AKAP6: variants seen among roughly 807,000 people sequenced by gnomAD.
The protein encoded by AKAP6 is A-kinase anchoring protein 6.
In AKAP6, 58 loss-of-function variants were observed where a neutral mutation model predicts 188.5. The ratio of observed to expected loss-of-function variants is 0.31; its 90% CI spans 0.25 to 0.38. The LOEUF is 0.38. Among genes scored for constraint, AKAP6 ranks in the 10% least tolerant of loss-of-function variants. The pLI, the probability that AKAP6 is intolerant of heterozygous loss-of-function variation, is 1.00. For synonymous variants in AKAP6, 989 were observed against 998.6 expected (o/e 0.99, Z 0.18); for missense variants, 2,710 against 2,740.0 (o/e 0.99, Z 0.24).
chr14:32,729,617 A>G (rs1046380853), intron 9 of AKAP6, among the ~76,000 whole-genome samples: 13 of 152,112 alleles, frequency 8.5e-5, no homozygotes, highest in African/African-American at 2.7e-4. Context: ...TCACATATCT[A>G]TTAGGAGGCT....
chr14:32,640,452 C>T (rs1054881671), intron 7 of AKAP6, among the ~76,000 whole-genome samples: 6 of 152,082 alleles, frequency 3.9e-5, no homozygotes, highest in African/African-American at 1.4e-4. Flanking sequence ...CCATGATCTG[C>T]CAATTTTCTT....
chr14:32,764,879 C>T (rs2032659118), intron 11 of AKAP6, among the ~76,000 whole-genome samples: 1 of 151,230 alleles, frequency 6.6e-6, no homozygotes, highest in Non-Finnish European at 1.5e-5. Flanking sequence ...AATAGTGCTC[C>T]AGCAATTGAT....
At chr14:32,537,391 G>A (rs959118099) in intron 3 of AKAP6, among the ~76,000 whole-genome samples, 1 of 152,174 alleles carries the variant, frequency 6.6e-6, no homozygotes, top group Admixed American at 6.5e-5. Context: ...TGGGACTGTT[G>A]TGGTTATGGG....
chr14:32,602,334 A>T (rs1478397572), intron 7 of AKAP6, among the ~76,000 whole-genome samples: 1 of 152,110 alleles, frequency 6.6e-6, no homozygotes, highest in East Asian at 1.9e-4. Context: ...TATCTCTGCA[A>T]AAAGTGAAAG....
intron 7 of AKAP6, among the ~76,000 whole-genome samples, chr14:32,614,260 A>C (rs1886465688): frequency 6.6e-6 from 1 of 152,146 alleles, no homozygotes; most frequent in Non-Finnish European, 1.5e-5. Context: ...ATCTTTTATC[A>C]TTATCTACAG....
intron 11 of AKAP6, among the ~76,000 whole-genome samples, chr14:32,765,445 C>T (rs2032683313): frequency 6.6e-6 from 1 of 152,082 alleles, no homozygotes; most frequent in Non-Finnish European, 1.5e-5. Flanking sequence ...TTCATCACTG[C>T]AATAATTAGA....
Position 32,562,710 on chromosome 14 carries a change from A to T in AKAP6, c.2347-14410A>T, listed in dbSNP as rs367741697. Reference sequence around the variant, plus strand: ...GAGGCGGAGTTTGCAGTGAGCCGAGATTGCACCACTGCACTCCAGCCCAGG... The same window carrying T: ...GAGGCGGAGTTTGCAGTGAGCCGAGTTTGCACCACTGCACTCCAGCCCAGG... On this transcript the variant is annotated intron_variant, in intron 4 of 13. Coordinates refer to ENST00000280979, the MANE Select transcript of AKAP6 (RefSeq NM_004274.5). Among the ~76,000 whole-genome samples the T allele has an allele frequency of 2.0e-5, 3 of 152,184 alleles. No homozygotes were observed. The East Asian group carries it at 5.8e-4, about 29-fold the overall frequency.
At position 32,373,060 on chromosome 14, in the gene AKAP6, T is replaced by C. The variant is rs371855605; in HGVS notation, c.-35+43652T>C. ...TCAGAGTCTGACGGTTCTAGCTCTT[T>C]ATAATATAAATTTCATTTCAAAATT... is the stretch of plus-strand genomic sequence containing the variant. On this transcript the variant is annotated intron_variant, in intron 1 of 13. Coordinates refer to ENST00000280979, the MANE Select transcript of AKAP6 (RefSeq NM_004274.5). Among the ~76,000 whole-genome samples, 4 of 151,736 alleles carry C rather than the reference T, an allele frequency of 2.6e-5. 1 individual carries two copies. Among genetic ancestry groups the C allele is most frequent in the African/African-American group, 9.7e-5 (4 of 41,384 alleles).
At chr14:32,683,178 G>A (rs1889766129) in intron 8 of AKAP6, among the ~76,000 whole-genome samples, 1 of 151,890 alleles carries the variant, frequency 6.6e-6, no homozygotes. Flanking sequence ...ATTTTTAGTA[G>A]AGACGGGGTT....
chr14:32,456,130 G>A (rs531739889), intron 2 of AKAP6, among the ~76,000 whole-genome samples: 1 of 152,080 alleles, frequency 6.6e-6, no homozygotes, highest in East Asian at 1.9e-4. Flanking sequence ...AAATACATGA[G>A]TATAGTTGAT....
chr14:32,500,201 G>A (rs1880537719), intron 2 of AKAP6, among the ~76,000 whole-genome samples: 1 of 152,052 alleles, frequency 6.6e-6, no homozygotes, highest in Non-Finnish European at 1.5e-5. Context: ...GTTATCAGCA[G>A]GAAATATAAA....
chr14:32,438,504 C>T (rs1178327278), intron 2 of AKAP6, among the ~76,000 whole-genome samples: 1 of 152,118 alleles, frequency 6.6e-6, no homozygotes, highest in Non-Finnish European at 1.5e-5. Context: ...AATTTTACCT[C>T]CAGAATGAAC....
At chr14:32,616,684 C>T (rs972599141) in intron 7 of AKAP6, among the ~76,000 whole-genome samples, 3 of 152,040 alleles carry the variant, frequency 2.0e-5, no homozygotes, top group Non-Finnish European at 4.4e-5. Context: ...ATAATCTGTA[C>T]AACAAACCCC....
intron 1 of AKAP6, among the ~76,000 whole-genome samples, chr14:32,356,237 A>G (rs1367305064): frequency 6.6e-6 from 1 of 152,176 alleles, no homozygotes; most frequent in African/African-American, 2.4e-5. Context: ...CAGCAGTCCT[A>G]GGACTCTAGG....
chr14:32,718,876 C>T (rs1319633151), intron 9 of AKAP6, among the ~76,000 whole-genome samples: 1 of 152,080 alleles, frequency 6.6e-6, no homozygotes, highest in East Asian at 1.9e-4. Flanking sequence ...TTCCAACAAC[C>T]TCCTACATTT....
At chr14:32,737,133 C>T (rs1029108284) in intron 11 of AKAP6, among the ~76,000 whole-genome samples, 7 of 152,116 alleles carry the variant, frequency 4.6e-5, no homozygotes, top group Non-Finnish European at 2.9e-5. Flanking sequence ...ACTTTTCAAA[C>T]TTTTTGAGAT....
chr14:32,650,368 T>G (rs1052998570), intron 7 of AKAP6, among the ~76,000 whole-genome samples: 1 of 152,030 alleles, frequency 6.6e-6, no homozygotes, highest in African/African-American at 2.4e-5. Context: ...ATCCCAGCAT[T>G]TTGGGAGGCT....
rs536122598 is a variant in AKAP6, at chr14:32,614,594, T to C, written c.2730+13802T>C. Among the ~76,000 whole-genome samples the C allele has an allele frequency of 3.9e-5, 6 of 152,306 alleles. No individual in the cohort carries two copies. In the South Asian group the frequency reaches 1.2e-3, roughly 32 times the overall value. ...TACAATCAGCAACAGCAGTATCAAA[T>C]AATGTTTATTAAGCTTTATTTGGCA... On this transcript the variant is annotated intron_variant, in intron 7 of 13. Transcript: ENST00000280979.
chr14:32,800,061 C>CTCTCTCTATATATATA (rs377693074), intron 12 of AKAP6, among the ~76,000 whole-genome samples: 1 of 136,942 alleles, frequency 7.3e-6, no homozygotes, highest in Non-Finnish European at 1.6e-5. Context: ...CTCTCTCTCT[C>CTCTCTCTATATATATA]TATATATATA....
Sources: allele counts gnomAD v4.1 joint callset (sites outside exome capture counted in the v4.1 genomes callset), GRCh38; gene constraint gnomAD v4.1.1; transcripts MANE v1.5; gene names NCBI Gene and HGNC (gene_info 2026-07-23, HGNC 2026-07-21).